GPM6B: variants seen among roughly 807,000 people sequenced by gnomAD.
GPM6B encodes the protein neuronal membrane glycoprotein M6-b.
A neutral mutation model predicts 27.2 loss-of-function variants in GPM6B; 4 were observed. The observed-to-expected ratio is 0.15, with a 90% CI of 0.07 to 0.34. The LOEUF is 0.34. GPM6B is among the 10% of genes least tolerant of loss of function. GPM6B has a pLI of 1.00. For synonymous variants in GPM6B, 124 were observed against 103.1 expected, an observed-to-expected ratio of 1.20 and a Z score of -1.23; for missense variants, 183 against 261.9, an observed-to-expected ratio of 0.70 and a Z score of 2.08.
chrX:13,862,897 A>T, intron 1 of GPM6B, among the ~76,000 whole-genome samples: 1 of 106,458 alleles, frequency 9.4e-6, no homozygotes, highest in East Asian at 2.9e-4. Flanking sequence ...GGGTTTTGCT[A>T]CATTGCCCAG....
At chrX:13,865,559 A>AAAAAAAAAAG (rs34662549) in intron 1 of GPM6B, among the ~76,000 whole-genome samples, 3 of 52,928 alleles carry the variant, frequency 5.7e-5, no homozygotes, top group Non-Finnish European at 7.2e-5. Flanking sequence ...AAAAAAAAAA[A>AAAAAAAAAAG]AAAGAAAGAA....
intron 2 of GPM6B, 61 bp downstream of exon 2, chrX:13,807,589 C>A: frequency 1.1e-6 from 1 of 948,114 alleles, no homozygotes; most frequent in Non-Finnish European, 1.4e-6. Context: ...AGAGCCATTA[C>A]AAATAATATT....
At chrX:13,788,692 C>T (rs1322737351) in intron 2 of GPM6B, among the ~76,000 whole-genome samples, 2 of 110,126 alleles carry the variant, frequency 1.8e-5, no homozygotes, top group East Asian at 2.8e-4. Flanking sequence ...CCACTTCAAA[C>T]GGTCTTTCAT....
At chrX:13,878,160 A>T (rs1441645079) in intron 1 of GPM6B, among the ~76,000 whole-genome samples, 3 of 32,103 alleles carry the variant, frequency 9.3e-5, no homozygotes, top group Non-Finnish European at 1.3e-4. Flanking sequence ...TAAAGCTGTT[A>T]AAAAAAAAAA....
chrX:13,813,665 T>C (rs1001579672), intron 1 of GPM6B, among the ~76,000 whole-genome samples: 2 of 112,345 alleles, frequency 1.8e-5, no homozygotes, highest in African/African-American at 6.5e-5. Context: ...CAGATGCATT[T>C]ATTTTCACAA....
intron 2 of GPM6B, among the ~76,000 whole-genome samples, chrX:13,798,853 C>A (rs1196724474): frequency 8.9e-6 from 1 of 112,520 alleles, no homozygotes; most frequent in Non-Finnish European, 1.9e-5. Flanking sequence ...AGCAGCATCC[C>A]TGACCTCTAC....
rs41302641 is a variant in GPM6B, at chrX:13,772,400, C to G, written c.*481G>C. 4.3e-3 allele frequency: 481 copies of G among 112,875 alleles called. 2 individuals are homozygous for G. Among genetic ancestry groups the G allele is most frequent in the Middle Eastern group, 0.023 (5 of 220 alleles). The allele number at this position is 112,875 out of a possible 1,213,427, so 9.3% of individuals were successfully genotyped here. A position where few individuals can be genotyped will look rare whatever the true frequency, so the allele number is the denominator to read the frequency against. On this transcript the variant is annotated 3_prime_UTR_variant, in exon 8 of 8. Coordinates refer to ENST00000316715, the MANE Select transcript of GPM6B (RefSeq NM_001001995.3). ...CTTTGATCCAAAGTTTAATAAATGTCAGCTGTCAGAAATGGAACTTTACAT... is the reference window on the plus strand; with the variant it reads ...CTTTGATCCAAAGTTTAATAAATGTGAGCTGTCAGAAATGGAACTTTACAT...
intron 2 of GPM6B, 40 bp downstream of exon 2, chrX:13,807,610 G>A: frequency 9.5e-7 from 1 of 1,053,117 alleles, no homozygotes; most frequent in Non-Finnish European, 1.3e-6. Context: ...AAAGATAACA[G>A]TTGACTTGCT....
At chrX:13,888,450 G>A (rs780360183) in intron 1 of GPM6B, among the ~76,000 whole-genome samples, 4 of 112,135 alleles carry the variant, frequency 3.6e-5, no homozygotes, top group Admixed American at 9.4e-5. Context: ...AGTATTTGGC[G>A]GTTCAAACTC....
intron 1 of GPM6B, among the ~76,000 whole-genome samples, chrX:13,935,623 C>A (rs1394017164): frequency 9.0e-6 from 1 of 111,630 alleles, no homozygotes; most frequent in African/African-American, 3.3e-5. Context: ...TCCACAAATG[C>A]CTTATAAGAG....
intron 1 of GPM6B, among the ~76,000 whole-genome samples, chrX:13,875,329 G>A (rs1299231078): frequency 9.0e-6 from 1 of 111,542 alleles, no homozygotes; most frequent in Non-Finnish European, 1.9e-5. Context: ...GACTAGTAAG[G>A]ATGCATGAAT....
chrX:13,894,638 T>G (rs2050216488), intron 1 of GPM6B, among the ~76,000 whole-genome samples: 1 of 112,483 alleles, frequency 8.9e-6, no homozygotes, highest in African/African-American at 3.2e-5. Flanking sequence ...ACACACTCAT[T>G]TGCTACCGAT....
At chrX:13,920,060 T>C (rs11798279) in intron 1 of GPM6B, among the ~76,000 whole-genome samples, 45,775 of 108,236 alleles carry the variant, frequency 0.42, 8,208 homozygotes, top group Non-Finnish European at 0.56. Context: ...GTTCAGGAGT[T>C]CGAGACCAGC....
rs1458262822 is a variant in GPM6B, at chrX:13,783,743, C to T, written c.369-222G>A. ...AGGTGGGAATGATGTTTCCTTTGCT[C>T]AGGGCAGCATCCAGTTGTAATCTTT... On this transcript the variant is annotated intron_variant, in intron 3 of 7. Transcript: ENST00000316715. 6.5e-6 allele frequency: 3 copies of T among 462,413 alleles called. No homozygotes were observed. The African/African-American group carries it at 7.1e-5, about 11-fold the overall frequency. The allele number at this position is 462,413 out of a possible 1,213,427, so 38.1% of individuals were successfully genotyped here.
At chrX:13,823,326 C>T (rs1014827549) in intron 1 of GPM6B, among the ~76,000 whole-genome samples, 1 of 111,951 alleles carries the variant, frequency 8.9e-6, no homozygotes, top group East Asian at 2.8e-4. Flanking sequence ...TGGCTAACAT[C>T]GATGACAATG....
At chrX:13,806,876 G>A (rs2049031996) in intron 2 of GPM6B, among the ~76,000 whole-genome samples, 1 of 112,026 alleles carries the variant, frequency 8.9e-6, no homozygotes, top group Non-Finnish European at 1.9e-5. Context: ...TTTGAACTAT[G>A]GTTGTACACT....
intron 2 of GPM6B, among the ~76,000 whole-genome samples, chrX:13,799,672 T>A (rs1257949373): frequency 2.7e-5 from 3 of 110,643 alleles, no homozygotes; most frequent in African/African-American, 9.9e-5. Flanking sequence ...GCTTTCTTGG[T>A]CCTAGGTCCC....
At chrX:13,922,897 C>T (rs965446036) in intron 1 of GPM6B, among the ~76,000 whole-genome samples, 6 of 112,054 alleles carry the variant, frequency 5.4e-5, no homozygotes, top group Non-Finnish European at 7.5e-5. Flanking sequence ...TGTACCTGGC[C>T]GGGTGCGGTG....
At position 13,780,322 on chromosome X, in the gene GPM6B, A is replaced by T. The variant is rs745977867; in HGVS notation, c.526-333T>A. Reference sequence around the variant, plus strand: ...AGAGCTAATCAGTGGCAGCCTCTCAAGAGGTGCTCTTTCTAAATAGCCGTT... The same window carrying T: ...AGAGCTAATCAGTGGCAGCCTCTCATGAGGTGCTCTTTCTAAATAGCCGTT... On this transcript the variant is annotated intron_variant, in intron 4 of 7. Transcript: ENST00000316715. Among the ~76,000 whole-genome samples the T allele has an allele frequency of 3.6e-5, 4 of 112,262 alleles. No individual in the cohort carries two copies. The Admixed American group carries it at 3.8e-4, about 11-fold the overall frequency.
Sources: gnomAD v4.1 joint callset for allele counts (sites outside exome capture counted in the v4.1 genomes callset) on GRCh38, gnomAD v4.1.1 for gene constraint, MANE v1.5 for transcripts, NCBI Gene and HGNC (gene_info 2026-07-23, HGNC 2026-07-21) for gene names.